Variants in CLCN5 observed in about 807,000 individuals in gnomAD.
The protein encoded by CLCN5 is Cl-/H+ antiporter 5.
A neutral mutation model predicts 54.0 loss-of-function variants in CLCN5; 17 were observed. That is an observed-to-expected ratio of 0.31 (90% CI 0.22 to 0.47). The LOEUF (loss-of-function observed/expected upper bound fraction) is 0.47, where lower values mean the gene tolerates loss of function less well. Ranked by LOEUF, CLCN5 falls within the 20% of genes least tolerant of loss-of-function variation. The probability of loss-of-function intolerance (pLI) is 1.00; values close to 1 mark genes in which losing one functional copy is unlikely to be tolerated. For synonymous variants in CLCN5, 222 were observed against 233.0 expected, an observed-to-expected ratio of 0.95 and a Z score of 0.43; for missense variants, 448 against 646.7, an observed-to-expected ratio of 0.69 and a Z score of 3.33.
chrX:50,057,213 G>A (rs889963773), intron 4 of CLCN5, among the ~76,000 whole-genome samples: 3 of 109,303 alleles, frequency 2.7e-5, no homozygotes, highest in Non-Finnish European at 5.7e-5. Flanking sequence ...AGGGTGAGGT[G>A]GGGGAGGAGA....
rs1933165124 is a variant in CLCN5 at position 50,069,888 on chromosome X, C to T, written c.173C>T (p.Ser58Leu). 8 of 1,204,509 alleles carry T rather than the reference C, an allele frequency of 6.6e-6. No homozygotes were observed. The highest frequency in any genetic ancestry group is 9.0e-6 in the Non-Finnish European group (8 of 892,273). ...PLDREVGEDK[S>L]YNGGGIGSSN... is the part of the protein sequence containing the mutation. The stretch of plus-strand genomic sequence containing the variant: ...TTCTTGTTCAATACAGAGGACAAGT[C>T]GTACAATGGTGGAGGAATAGGTTCT... The change falls in exon 5 of 15, where the codon TCG becomes TTG. Residue 58 changes from serine to leucine, a missense_variant. Ser to Leu is a moderately radical substitution (Grantham distance 145). Coordinates refer to ENST00000376091, the MANE Select transcript of CLCN5 (RefSeq NM_001127898.4).
intron 3 of CLCN5, among the ~76,000 whole-genome samples, chrX:50,008,702 A>G (rs1300065648): frequency 8.9e-6 from 1 of 112,262 alleles, no homozygotes; most frequent in Non-Finnish European, 1.9e-5. Context: ...CTCATCATCC[A>G]TTACACCTAC....
rs1163466451 is a variant in CLCN5, at chrX:50,062,715, GCACCA to G, written c.164-7154_164-7150del. 1.1e-4 allele frequency among the ~76,000 whole-genome samples: 11 copies of G among 98,955 alleles called. No homozygotes were observed. The Admixed American group carries it at 1.1e-3, about 10-fold the overall frequency. 85.9% of individuals were successfully genotyped at this position (98,955 alleles called of 115,157 possible). Reference sequence around the variant, plus strand: ...ATCAACAGAATATACATTTTTTTCAGCACCACACCACACCTATTCCAAAATTGACC... The same window carrying G: ...ATCAACAGAATATACATTTTTTTCAGCACCACACCTATTCCAAAATTGACC... On this transcript the variant is annotated intron_variant, in intron 4 of 14. Transcript: ENST00000376091.
chrX:49,924,739 C>T (rs1010539674), intron 2 of CLCN5, among the ~76,000 whole-genome samples: 5 of 111,501 alleles, frequency 4.5e-5, no homozygotes, highest in Non-Finnish European at 9.4e-5. Context: ...TTCCCCTATA[C>T]AAGATCTGTT....
intron 3 of CLCN5, among the ~76,000 whole-genome samples, chrX:49,970,069 G>A (rs1928124014): frequency 9.0e-6 from 1 of 111,165 alleles, no homozygotes; most frequent in African/African-American, 3.3e-5. Flanking sequence ...AGACATTTCA[G>A]CTTTCTTTTG....
intron 3 of CLCN5, among the ~76,000 whole-genome samples, chrX:50,004,033 A>G (rs1244496706): frequency 2.7e-5 from 3 of 112,310 alleles, no homozygotes; most frequent in African/African-American, 6.5e-5. Context: ...TCACTGTGCC[A>G]TGCCTTTCCA....
At chrX:50,001,478 A>G (rs1280125516) in intron 3 of CLCN5, among the ~76,000 whole-genome samples, 3 of 109,475 alleles carry the variant, frequency 2.7e-5, no homozygotes, top group African/African-American at 1.0e-4. Context: ...TTTTTTTTAA[A>G]TGTATACTTT....
chrX:50,019,438 TTC>T (rs1930955989), intron 3 of CLCN5, among the ~76,000 whole-genome samples: 1 of 106,014 alleles, frequency 9.4e-6, no homozygotes, highest in African/African-American at 3.4e-5. Context: ...AATTTGTGCC[TTC>T]TGTCTTTCAT....
intron 3 of CLCN5, among the ~76,000 whole-genome samples, chrX:50,016,728 ATTTATCCC>A (rs1930808176): frequency 9.2e-6 from 1 of 108,626 alleles, no homozygotes; most frequent in Non-Finnish European, 1.9e-5. Flanking sequence ...AGTTCTGCCT[ATTTATCCC>A]CCCTCCCCCA....
rs925524805 is a variant in CLCN5 at position 50,094,553 on chromosome X, G to A, written c.*2334G>A. The A allele has an allele frequency of 8.9e-6, 1 of 112,605 alleles. No individual in the cohort carries two copies. Among genetic ancestry groups the A allele is most frequent in the African/African-American group, 3.2e-5 (1 of 30,923 alleles). The allele number at this position is 112,605 out of a possible 1,213,427, so 9.3% of individuals were successfully genotyped here. A position where few individuals can be genotyped will look rare whatever the true frequency, so the allele number is the denominator to read the frequency against. On this transcript the variant is annotated 3_prime_UTR_variant, in exon 15 of 15. Transcript: ENST00000376091. ...AGGAGGGTGTCTCAAGTTTGCTTTT[G>A]TGTTTCTTCTAGGCTTTGTTCTTGA...
intron 3 of CLCN5, among the ~76,000 whole-genome samples, chrX:50,032,752 T>C (rs1931777407): frequency 9.1e-6 from 1 of 110,007 alleles, no homozygotes; most frequent in African/African-American, 3.4e-5. Flanking sequence ...ATTTTGGCTT[T>C]TGTTGCCATT....
intron 3 of CLCN5, among the ~76,000 whole-genome samples, chrX:49,937,329 G>C (rs900071809): frequency 1.8e-5 from 2 of 111,942 alleles, no homozygotes; most frequent in Admixed American, 9.5e-5. Context: ...GTTTTCACTT[G>C]ACACCTTTCT....
intron 4 of CLCN5, among the ~76,000 whole-genome samples, chrX:50,058,318 T>G (rs1161070365): frequency 1.8e-5 from 2 of 111,669 alleles, no homozygotes; most frequent in Non-Finnish European, 3.8e-5. Flanking sequence ...TCCTCTTGTG[T>G]TTTTGTTAGT....
At chrX:50,071,304 G>A (rs1395200231) in intron 5 of CLCN5, among the ~76,000 whole-genome samples, 2 of 111,897 alleles carry the variant, frequency 1.8e-5, no homozygotes, top group African/African-American at 6.5e-5. Context: ...TCACTATAAA[G>A]CATTTCATGT....
chrX:49,979,234 C>T (rs1253952315), intron 3 of CLCN5, among the ~76,000 whole-genome samples: 1 of 111,248 alleles, frequency 9.0e-6, no homozygotes, highest in Non-Finnish European at 1.9e-5. Context: ...AAAGATGTTT[C>T]TTTTCTCCCT....
chrX:50,062,895 C>A (rs1932883076), intron 4 of CLCN5, among the ~76,000 whole-genome samples: 1 of 107,488 alleles, frequency 9.3e-6, no homozygotes, highest in Admixed American at 9.9e-5. Flanking sequence ...GAACAACCTG[C>A]TCCTGAATGA....
chrX:50,048,405 T>A (rs1932467671), intron 4 of CLCN5, among the ~76,000 whole-genome samples: 1 of 112,787 alleles, frequency 8.9e-6, no homozygotes, highest in Non-Finnish European at 1.9e-5. Flanking sequence ...GACTAGGAAG[T>A]TAGGTTTCAC....
intron 4 of CLCN5, among the ~76,000 whole-genome samples, chrX:50,046,972 C>G (rs1366406323): frequency 3.6e-5 from 4 of 110,987 alleles, no homozygotes; most frequent in African/African-American, 1.3e-4. Context: ...AGGCTGTGTT[C>G]CCCCATACTG....
chrX:50,077,839 A>AC (rs1933500652), intron 7 of CLCN5, among the ~76,000 whole-genome samples: 1 of 96,610 alleles, frequency 1.0e-5, no homozygotes, highest in Non-Finnish European at 2.1e-5. Context: ...AAAAAAAAAA[A>AC]AAAAAAAAAA....
Sources: gnomAD v4.1 joint callset for allele counts (sites outside exome capture counted in the v4.1 genomes callset) on GRCh38, gnomAD v4.1.1 for gene constraint, MANE v1.5 for transcripts, NCBI Gene and HGNC (gene_info 2026-07-23, HGNC 2026-07-21) for gene names.